Variants in PKHD1 observed in about 807,000 individuals in gnomAD.
PKHD1 encodes fibrocystin.
Under a neutral mutation model 412.0 loss-of-function variants are expected in PKHD1, and 291 were observed. The ratio of observed to expected loss-of-function variants is 0.71; its 90% CI spans 0.64 to 0.78. The LOEUF (loss-of-function observed/expected upper bound fraction) is 0.78, where lower values mean the gene tolerates loss of function less well. Among genes scored for constraint, PKHD1 ranks in the 30% least tolerant of loss-of-function variants. The pLI, the probability that PKHD1 is intolerant of heterozygous loss-of-function variation, is 0.00. For synonymous variants in PKHD1, 1,777 were observed against 1,821.5 expected (o/e 0.98, Z 0.62); for missense variants, 4,825 against 4,950.7 (o/e 0.97, Z 0.76).
intron 43 of PKHD1, among the ~76,000 whole-genome samples, chr6:51,901,391 A>G (rs1487946991): frequency 6.6e-6 from 1 of 152,186 alleles, no homozygotes; most frequent in African/African-American, 2.4e-5. Flanking sequence ...GAAATTGGAA[A>G]TCATCATTCT....
At chr6:51,886,781 A>C (rs1028848657) in intron 44 of PKHD1, among the ~76,000 whole-genome samples, 8 of 152,232 alleles carry the variant, frequency 5.3e-5, no homozygotes, top group African/African-American at 1.9e-4. Flanking sequence ...TTCTATACTT[A>C]AAAATTTGCT....
intron 64 of PKHD1, 125 bp from the exon 65 acceptor site, chr6:51,632,848 A>G: frequency 1.8e-6 from 1 of 571,196 alleles, no homozygotes; most frequent in Non-Finnish European, 3.0e-6. Flanking sequence ...ATATATATTC[A>G]TTAAATTTAA....
At chr6:51,671,682 T>C (rs895133738) in intron 60 of PKHD1, among the ~76,000 whole-genome samples, 10 of 152,196 alleles carry the variant, frequency 6.6e-5, no homozygotes, top group Non-Finnish European at 1.3e-4. Context: ...GGTGGTTTTA[T>C]CTACTTTTGG....
At chr6:51,758,719 T>G (rs1301742629) in intron 55 of PKHD1, among the ~76,000 whole-genome samples, 2 of 152,234 alleles carry the variant, frequency 1.3e-5, no homozygotes, top group South Asian at 4.1e-4. Context: ...TAAAGATAAC[T>G]CTAAGAAAAT....
chr6:51,770,021 G>GTTT (rs1554229163), intron 55 of PKHD1, among the ~76,000 whole-genome samples: 1 of 151,022 alleles, frequency 6.6e-6, no homozygotes, highest in South Asian at 2.1e-4. Flanking sequence ...AATTTATTAA[G>GTTT]GTAATTATGG....
chr6:51,642,423 G>A (rs1259171317), intron 63 of PKHD1, among the ~76,000 whole-genome samples: 6 of 152,162 alleles, frequency 3.9e-5, no homozygotes, highest in Non-Finnish European at 7.3e-5. Flanking sequence ...ACAGACTATG[G>A]GTAAAGTATG....
chr6:51,639,423 A>T (rs1185860699), intron 63 of PKHD1, among the ~76,000 whole-genome samples: 1 of 152,078 alleles, frequency 6.6e-6, no homozygotes, highest in Admixed American at 6.6e-5. Flanking sequence ...GTCAGTTTCT[A>T]CAGTCTGTCT....
At chr6:51,661,875 G>A (rs543391951) in intron 60 of PKHD1, among the ~76,000 whole-genome samples, 1 of 151,824 alleles carries the variant, frequency 6.6e-6, no homozygotes, top group African/African-American at 2.4e-5. Context: ...TTTAATGTAG[G>A]AAATACTAGA....
intron 27 of PKHD1, among the ~76,000 whole-genome samples, chr6:52,040,895 T>A (rs1191801586): frequency 1.3e-5 from 2 of 152,228 alleles, no homozygotes; most frequent in Non-Finnish European, 2.9e-5. Context: ...AGGATTTGTT[T>A]TTATTTACTG....
chr6:51,793,596 A>G (rs1442711157), intron 52 of PKHD1, among the ~76,000 whole-genome samples: 1 of 152,174 alleles, frequency 6.6e-6, no homozygotes, highest in African/African-American at 2.4e-5. Context: ...GCTCCCACTT[A>G]CAAGCAAGAA....
At chr6:51,965,518 T>G (rs1331078263) in intron 35 of PKHD1, among the ~76,000 whole-genome samples, 1 of 151,854 alleles carries the variant, frequency 6.6e-6, no homozygotes, top group Non-Finnish European at 1.5e-5. Context: ...TTGAATTAGT[T>G]TGGTATAATT....
chr6:51,857,528 C>T (rs112646318), intron 48 of PKHD1, among the ~76,000 whole-genome samples: 6 of 152,262 alleles, frequency 3.9e-5, no homozygotes, highest in African/African-American at 1.4e-4. Flanking sequence ...AATTTCAGCA[C>T]CTATTTAACC....
At position 52,058,481 on chromosome 6, in the gene PKHD1, A is replaced by G. The variant is rs201989004; in HGVS notation, c.1354T>C (p.Tyr452His). 1 of 1,614,190 alleles carries G rather than the reference A, an allele frequency of 6.2e-7. No individual in the cohort carries two copies. The highest frequency in any genetic ancestry group is 1.7e-5 in the Admixed American group (1 of 60,028). The change falls in exon 16 of 67, where the codon TAC becomes CAC. Residue 452 changes from tyrosine to histidine, a missense_variant. Coordinates refer to ENST00000371117, the MANE Select transcript of PKHD1 (RefSeq NM_138694.4). ...CCATGATGCTCTGCTTCCAGGTAGT[A>G]CATGGCTCCACCCAACAGCTCCAAC... ...PKLELLGGAM[Y>H]YLEAEHHGIA...
rs112887510 is a variant in PKHD1 at position 51,933,929 on chromosome 6, C to T, written c.6121+181G>A. ...AGAAAGAGGAGCAAACAATTGGGAA[C>T]GGTAGTGTACTCTGCCACATGAATC... is the stretch of plus-strand genomic sequence containing the variant. On this transcript the variant is annotated intron_variant, in intron 37 of 66. Transcript: ENST00000371117. 8.0e-3 allele frequency among the ~76,000 whole-genome samples: 1,216 copies of T among 152,298 alleles called. 16 individuals are homozygous for T. Among genetic ancestry groups the T allele is most frequent in the African/African-American group, 0.028 (1,147 of 41,560 alleles).
Position 51,703,560 on chromosome 6 carries a change from G to T in PKHD1, c.10156+40825C>A, listed in dbSNP as rs1375343844. ...TCAATATAATTCCAAGCCAGAAGAA[G>T]GAGGGGAATAACTATAATTTTATTA... On this transcript the variant is annotated intron_variant, in intron 60 of 66. Transcript: ENST00000371117. 2.0e-5 allele frequency among the ~76,000 whole-genome samples: 3 copies of T among 152,056 alleles called. No individual in the cohort carries two copies. The East Asian group carries it at 5.8e-4, about 29-fold the overall frequency.
At chr6:51,654,643 CA>C (rs34402676) in intron 61 of PKHD1, among the ~76,000 whole-genome samples, 1,579 of 147,582 alleles carry the variant, frequency 0.011, 25 homozygotes, top group African/African-American at 0.036. Flanking sequence ...AGCAAAATAG[CA>C]AAAAAAAAAA....
At chr6:51,653,817 A>G (rs1213406395) in intron 61 of PKHD1, among the ~76,000 whole-genome samples, 1 of 152,130 alleles carries the variant, frequency 6.6e-6, no homozygotes, top group Non-Finnish European at 1.5e-5. Flanking sequence ...ATAAGCAAAA[A>G]TCAGGGGACA....
chr6:52,049,848 A>C (rs1806496427), intron 22 of PKHD1, among the ~76,000 whole-genome samples: 1 of 152,226 alleles, frequency 6.6e-6, no homozygotes, highest in African/African-American at 2.4e-5. Flanking sequence ...ACTATTTTTA[A>C]ACTAACTGAC....
chr6:51,663,076 T>A (rs953120321), intron 60 of PKHD1, among the ~76,000 whole-genome samples: 8 of 151,996 alleles, frequency 5.3e-5, no homozygotes, highest in African/African-American at 1.9e-4. Context: ...AATTACATGG[T>A]CTTAATGGCC....
Sources: gnomAD v4.1 joint callset for allele counts (sites outside exome capture counted in the v4.1 genomes callset) on GRCh38, gnomAD v4.1.1 for gene constraint, MANE v1.5 for transcripts, NCBI Gene and HGNC (gene_info 2026-07-23, HGNC 2026-07-21) for gene names.